DICER1: variants seen among roughly 807,000 people sequenced by gnomAD.
DICER1 encodes dicer 1, ribonuclease III.
In DICER1, 43 loss-of-function variants were observed where a neutral mutation model predicts 194.1. That is an observed-to-expected ratio of 0.22 (90% CI 0.17 to 0.29). The LOEUF (loss-of-function observed/expected upper bound fraction) is 0.29. Among genes scored for constraint, DICER1 ranks in the 10% least tolerant of loss-of-function variants. The probability of loss-of-function intolerance (pLI) is 1.00; values close to 1 mark genes in which losing one functional copy is unlikely to be tolerated. For synonymous variants in DICER1, 832 were observed against 820.5 expected (o/e 1.01, Z -0.24); for missense variants, 1,608 against 2,317.0 (o/e 0.69, Z 6.28).
In DICER1 at chr14:95,124,657, G is replaced by A. The variant is rs886050944; in HGVS notation, c.915C>T (p.Asp305=). The A allele has an allele frequency of 8.1e-6, 13 of 1,612,372 alleles. No homozygotes were observed. Among genetic ancestry groups the A allele is most frequent in the Non-Finnish European group, 1.1e-5 (13 of 1,178,918 alleles). The change falls in exon 8 of 27, where the codon GAC becomes GAT. Residue 305 remains aspartate, a synonymous_variant. Coordinates refer to ENST00000343455, the MANE Select transcript of DICER1 (RefSeq NM_177438.3). This position sits in a 1 kb window ranked among gnomAD's most constrained non-coding sequence, Gnocchi z 4.5. ...CCAGAACTACCAATACGGCACGACA[G>A]TCTGATAGTATCTACAAAAAAAAGA... The part of the protein sequence containing the change: ...STLISKQILS[D]CRAVLVVLGP...
rs1595438258 is a variant in DICER1, at chr14:95,124,275, T to G, written c.1297A>C (p.Asn433His). Residue 433 changes from asparagine (N) to histidine (H), a missense_variant, in exon 8 of 27, where the codon AAT becomes CAT. This residue lies in a region of DICER1 where 657 missense variants were observed against 910.1 expected (regional missense o/e 0.72). Transcript: ENST00000343455. The surrounding 1 kb of genome is among the most constrained non-coding windows in gnomAD (Gnocchi z 4.5). ...ATGTTGGTAAAAGGAGAAGGAAAAT[T>G]TGTCTCTGGCTTCTCTTTTTCTTCA... Reference protein sequence around the residue: ...EIEEKEKPETNFPSPFTNILC... With the variant: ...EIEEKEKPETHFPSPFTNILC... 24 of 1,613,874 alleles carry G rather than the reference T, an allele frequency of 1.5e-5. No individual in the cohort carries two copies. Among genetic ancestry groups the G allele is most frequent in the Non-Finnish European group, 2.0e-5 (24 of 1,180,028 alleles).
Position 95,106,162 on chromosome 14 carries a change from G to C in DICER1, c.2866C>G (p.Pro956Ala). 6.2e-7 allele frequency: 1 copy of C among 1,613,614 alleles called. No homozygotes were observed. Among genetic ancestry groups the C allele is most frequent in the Non-Finnish European group, 8.5e-7 (1 of 1,179,534 alleles). The change falls in exon 18 of 27, where the codon CCA becomes GCA. Residue 956 changes from proline to alanine, a missense_variant. This residue lies in a region of DICER1 where 150 missense variants were observed against 216.0 expected (regional missense o/e 0.69). Transcript: ENST00000343455. ...TCAGGGGAAGGAAATTTACTGAGTG[G>C]GGTAAGATCAGTGTACACATCAGCT... is the stretch of plus-strand genomic sequence containing the variant. The part of the protein sequence containing the change: ...YVADVYTDLT[P>A]LSKFPSPEYE...
intron 21 of DICER1, among the ~76,000 whole-genome samples, chr14:95,100,203 T>G (rs1011736711): frequency 6.6e-6 from 1 of 152,206 alleles, no homozygotes; most frequent in East Asian, 1.9e-4. Flanking sequence ...CTATGCATAC[T>G]CCTTATGAAT....
rs544177735 is a variant in DICER1 at position 95,087,915 on chromosome 14, T to C, written c.*2583A>G. On this transcript the variant is annotated 3_prime_UTR_variant, in exon 27 of 27. Coordinates refer to ENST00000343455, the MANE Select transcript of DICER1 (RefSeq NM_177438.3). ...CACAGGGCTCTAAAGTGGGGCAACA[T>C]AGAGTGATTTTTTTTTTCCTTAATT... 1 of 233,056 alleles carries C rather than the reference T, an allele frequency of 4.3e-6. No homozygotes were observed. The highest frequency in any genetic ancestry group is 2.2e-5 in the African/African-American group (1 of 45,396). 14.4% of individuals were successfully genotyped at this position (233,056 alleles called of 1,614,324 possible). A position where few individuals can be genotyped will look rare whatever the true frequency, so the allele number is the denominator to read the frequency against.
At chr14:95,156,476 A>G (rs1355195920) in intron 1 of DICER1, among the ~76,000 whole-genome samples, 1 of 152,220 alleles carries the variant, frequency 6.6e-6, no homozygotes, top group African/African-American at 2.4e-5. Context: ...TCCTAAGGAC[A>G]CACTCAGTGG....
At chr14:95,137,166 G>GGAAGGAAAAGGGGAAGGA (rs1673675653) in intron 1 of DICER1, among the ~76,000 whole-genome samples, 1 of 150,178 alleles carries the variant, frequency 6.7e-6, no homozygotes, top group East Asian at 2.0e-4. Context: ...AAGAGGAAGG[G>GGAAGGAAAAGGGGAAGGA]GAAGGAAAAG....
intron 2 of DICER1, 39 bp from the exon 3 acceptor site, chr14:95,132,716 C>T (rs766331436): frequency 3.1e-6 from 5 of 1,591,370 alleles, no homozygotes; most frequent in East Asian, 4.5e-5. Flanking sequence ...CACTTCTTAC[C>T]TAAGTACAAA....
Position 95,115,762 on chromosome 14 carries a change from G to C in DICER1, c.1812C>G (p.Val604=), listed in dbSNP as rs770018460. The C allele has an allele frequency of 6.2e-6, 10 of 1,614,078 alleles. No homozygotes were observed. The highest frequency in any genetic ancestry group is 8.5e-6 in the Non-Finnish European group (10 of 1,179,966). The change falls in exon 11 of 27, where the codon GTC becomes GTG. Residue 604 remains valine (V), a synonymous_variant. Coordinates refer to ENST00000343455, the MANE Select transcript of DICER1 (RefSeq NM_177438.3). ...GTGGGAAAACGTCATCATCATCCAT[G>C]ACAGGATCAATGTCAGTCTCACCAG... ...VDTGETDIDP[V]MDDDDVFPPY...
chr14:95,112,308 G>C, intron 12 of DICER1, 61 bp from the exon 13 acceptor site: 2 of 1,325,266 alleles, frequency 1.5e-6, no homozygotes, highest in Non-Finnish European at 2.2e-6. Flanking sequence ...TCTAGCACAT[G>C]AAACACCTAT....
chr14:95,140,098 C>T (rs1460668342), intron 1 of DICER1, among the ~76,000 whole-genome samples: 1 of 152,180 alleles, frequency 6.6e-6, no homozygotes, highest in Non-Finnish European at 1.5e-5. Flanking sequence ...GATAAACTGG[C>T]TACCATTAAC....
At chr14:95,094,253 T>C in intron 23 of DICER1, 97 bp from the exon 24 acceptor site, 1 of 1,458,190 alleles carries the variant, frequency 6.9e-7, no homozygotes, top group Non-Finnish European at 9.5e-7. Flanking sequence ...GATTTGTATT[T>C]ACAATCATTT....
intron 22 of DICER1, among the ~76,000 whole-genome samples, chr14:95,098,519 T>C (rs964207617): frequency 1.3e-5 from 2 of 151,710 alleles, no homozygotes; most frequent in East Asian, 3.9e-4. Context: ...ATCAGAAACA[T>C]TAAGAAAAAT....
chr14:95,116,792 C>T (rs1409854055), intron 9 of DICER1, 97 bp from the exon 10 acceptor site: 6 of 1,232,104 alleles, frequency 4.9e-6, no homozygotes, highest in Non-Finnish European at 7.1e-6. Flanking sequence ...TCATTTCTGA[C>T]ACACATGCTC....
chr14:95,112,439 G>T (rs998156956), intron 12 of DICER1, among the ~76,000 whole-genome samples, 192 bp from the exon 13 acceptor site: 1 of 151,992 alleles, frequency 6.6e-6, no homozygotes, highest in African/African-American at 2.4e-5. Flanking sequence ...ATCTTTAAAA[G>T]TCCTGCCTAG....
At chr14:95,150,870 G>A (rs535025950) in intron 1 of DICER1, among the ~76,000 whole-genome samples, 4 of 152,062 alleles carry the variant, frequency 2.6e-5, no homozygotes, top group Non-Finnish European at 4.4e-5. Context: ...TATTTTTGCC[G>A]GGGGAAAGAG....
chr14:95,135,920 G>A (rs751179767), intron 1 of DICER1, among the ~76,000 whole-genome samples: 4 of 152,240 alleles, frequency 2.6e-5, no homozygotes, highest in Non-Finnish European at 4.4e-5. Flanking sequence ...TTTTTAAAAC[G>A]AGATAACAGC....
chr14:95,124,471 T>A lies in DICER1; in HGVS notation c.1101A>T (p.Ser367=). ...ALCEEHFSPA[S]LDLKFVTPKV... is the part of the protein sequence containing the mutation. The stretch of plus-strand genomic sequence containing the variant: ...TAGGAGTTACAAATTTCAGGTCAAG[T>A]GAGGCAGGTGAGAAGTGCTCTTCAC... The change falls in exon 8 of 27, where the codon TCA becomes TCT. Residue 367 remains serine, a synonymous_variant. Coordinates refer to ENST00000343455, the MANE Select transcript of DICER1 (RefSeq NM_177438.3). The surrounding 1 kb of genome is among the most constrained non-coding windows in gnomAD (Gnocchi z 4.5). The A allele has an allele frequency of 1.9e-6, 3 of 1,614,180 alleles. No homozygotes were observed. The highest frequency in any genetic ancestry group is 2.5e-6 in the Non-Finnish European group (3 of 1,180,024).
intron 15 of DICER1, 104 bp from the exon 16 acceptor site, chr14:95,108,197 A>C: frequency 7.8e-7 from 1 of 1,283,596 alleles, no homozygotes; most frequent in South Asian, 1.2e-5. Context: ...GAGAAATAGA[A>C]GAGGCACCTC....
rs1184987398 is a variant in DICER1, at chr14:95,117,654, G to C, written c.1477C>G (p.Gln493Glu). The C allele has an allele frequency of 1.2e-6, 2 of 1,613,886 alleles. No homozygotes were observed. Among genetic ancestry groups the C allele is most frequent in the Admixed American group, 3.3e-5 (2 of 59,992 alleles). The stretch of plus-strand genomic sequence containing the variant: ...TGTTTTCTGAATTCTGCTTCCATCT[G>C]TTTGTTGCGAGGCTGATTCTTCCCA... ...GIGKNQPRNK[Q>E]MEAEFRKQEE... The change falls in exon 9 of 27, where the codon CAG becomes GAG. Residue 493 changes from glutamine (Q) to glutamate (E), a missense_variant. By Grantham distance (29) the Gln-to-Glu change is conservative. This residue lies in a region of DICER1 where 657 missense variants were observed against 910.1 expected (regional missense o/e 0.72). Transcript: ENST00000343455.
Sources: allele counts gnomAD v4.1 joint callset (sites outside exome capture counted in the v4.1 genomes callset), GRCh38; gene constraint gnomAD v4.1.1; regional missense constraint gnomAD v4.1.1; non-coding constraint Gnocchi (gnomAD v3.1); transcripts MANE v1.5; gene names NCBI Gene and HGNC (gene_info 2026-07-23, HGNC 2026-07-21).